The following SGCZ variants were observed in gnomAD, a reference collection of about 807,000 sequenced individuals.
The protein encoded by SGCZ is zeta-sarcoglycan.
In SGCZ, 40 loss-of-function variants were observed where a neutral mutation model predicts 41.3. That is an observed-to-expected ratio of 0.97 (90% confidence interval 0.75 to 1.26). SGCZ has a LOEUF of 1.26. Among genes scored for constraint, SGCZ ranks in the 50% most tolerant of loss-of-function variants. SGCZ has a pLI of 0.00. For synonymous variants in SGCZ, 206 were observed against 137.5 expected (o/e 1.50, Z -3.49); for missense variants, 552 against 369.8 (o/e 1.49, Z -4.04).
chr8:14,778,605 A>T (rs1251083758), intron 1 of SGCZ, among the ~76,000 whole-genome samples: 1 of 152,204 alleles, frequency 6.6e-6, no homozygotes, highest in Admixed American at 6.5e-5. Flanking sequence ...TGTTACGGAT[A>T]TATAAAACAC....
At chr8:15,132,535 A>G (rs1486761292) in intron 1 of SGCZ, among the ~76,000 whole-genome samples, 1 of 152,186 alleles carries the variant, frequency 6.6e-6, no homozygotes, top group Non-Finnish European at 1.5e-5. Context: ...TCAGATTTTT[A>G]AATTATCATT....
intron 1 of SGCZ, among the ~76,000 whole-genome samples, chr8:15,148,755 G>C (rs543877796): frequency 4.2e-4 from 64 of 152,238 alleles, no homozygotes; most frequent in African/African-American, 1.4e-3. Flanking sequence ...CTGAATTTCA[G>C]ACACAAGCTG....
chr8:14,924,643 G>T (rs1315007420), intron 1 of SGCZ, among the ~76,000 whole-genome samples: 1 of 151,938 alleles, frequency 6.6e-6, no homozygotes, highest in African/African-American at 2.4e-5. Context: ...GTTTGTTAGT[G>T]ACATTTATTT....
At chr8:14,173,098 C>T (rs1804436869) in intron 4 of SGCZ, among the ~76,000 whole-genome samples, 1 of 151,886 alleles carries the variant, frequency 6.6e-6, no homozygotes, top group Non-Finnish European at 1.5e-5. Context: ...TAGATTCAGT[C>T]TAGAAAGTCT....
chr8:14,706,764 A>G (rs1241433242), intron 1 of SGCZ, among the ~76,000 whole-genome samples: 2 of 152,150 alleles, frequency 1.3e-5, no homozygotes, highest in Non-Finnish European at 2.9e-5. Context: ...TACTTTAAGT[A>G]TAATGTTTAG....
chr8:14,929,799 G>C (rs117620034), intron 1 of SGCZ, among the ~76,000 whole-genome samples: 2,587 of 152,070 alleles, frequency 0.017, 111 homozygotes, highest in Admixed American at 0.096. Context: ...ACATTAGAAG[G>C]ATATGAAATG....
At chr8:14,521,145 A>G (rs1480339245) in intron 2 of SGCZ, among the ~76,000 whole-genome samples, 2 of 152,184 alleles carry the variant, frequency 1.3e-5, no homozygotes, top group African/African-American at 4.8e-5. Flanking sequence ...GTAAAGAGGT[A>G]GAATATTTCC....
intron 1 of SGCZ, among the ~76,000 whole-genome samples, chr8:14,926,478 A>G (rs1167945509): frequency 1.3e-5 from 2 of 150,862 alleles, no homozygotes; most frequent in African/African-American, 4.9e-5. Flanking sequence ...TCACGTAAGC[A>G]TCTCAGATGT....
intron 4 of SGCZ, among the ~76,000 whole-genome samples, chr8:14,196,102 G>T (rs916371515): frequency 6.6e-6 from 1 of 152,014 alleles, no homozygotes; most frequent in East Asian, 1.9e-4. Context: ...AGGAGAAATG[G>T]ATGTACACCA....
chr8:14,918,713 C>A (rs1799508720), intron 1 of SGCZ, among the ~76,000 whole-genome samples: 1 of 152,132 alleles, frequency 6.6e-6, no homozygotes, highest in Non-Finnish European at 1.5e-5. Context: ...TTGGGGAAGT[C>A]TTCATTATTG....
intron 2 of SGCZ, among the ~76,000 whole-genome samples, chr8:14,400,210 TATAAA>T (rs1333854467): frequency 6.6e-6 from 1 of 152,196 alleles, no homozygotes; most frequent in East Asian, 1.9e-4. Flanking sequence ...TTATTTTTAC[TATAAA>T]ATAATATTTC....
intron 7 of SGCZ, among the ~76,000 whole-genome samples, chr8:14,097,136 G>C (rs969278133): frequency 2.0e-5 from 3 of 152,042 alleles, no homozygotes; most frequent in African/African-American, 7.2e-5. Flanking sequence ...TCTTCTGCTA[G>C]CTTTTGAATT....
At chr8:15,033,735 C>G (rs534507360) in intron 1 of SGCZ, among the ~76,000 whole-genome samples, 3 of 151,860 alleles carry the variant, frequency 2.0e-5, no homozygotes, top group African/African-American at 7.3e-5. Flanking sequence ...CAACCCCAGT[C>G]CCAGGACAGC....
chr8:14,564,341 T>A (rs552105401), intron 1 of SGCZ, among the ~76,000 whole-genome samples: 99 of 152,186 alleles, frequency 6.5e-4, no homozygotes, highest in Middle Eastern at 3.4e-3. Context: ...AACGCTACAA[T>A]ATCAGTCATC....
intron 2 of SGCZ, among the ~76,000 whole-genome samples, chr8:14,377,329 T>C (rs1346024138): frequency 6.6e-6 from 1 of 151,948 alleles, no homozygotes; most frequent in Non-Finnish European, 1.5e-5. Context: ...CATGCAGAGG[T>C]ACCCCTTGCC....
Position 14,756,139 on chromosome 8 carries a change from T to C in SGCZ, c.40-201213A>G, listed in dbSNP as rs1191826622. Among the ~76,000 whole-genome samples, 5 of 152,034 alleles carry C rather than the reference T, an allele frequency of 3.3e-5. No homozygotes were observed. The South Asian group carries it at 1.0e-3, about 32-fold the overall frequency. On this transcript the variant is annotated intron_variant, in intron 1 of 7. Transcript: ENST00000382080. ...GAGAAATAAAGGATAGGCTGGGTTA[T>C]GACAGGCATATAGGACTCAATTAGG... is the stretch of plus-strand genomic sequence containing the variant.
At position 14,438,821 on chromosome 8, in the gene SGCZ, A is replaced by G. The variant is rs190462035; in HGVS notation, c.235-114617T>C. ...ATAATTTTAATTATACCTTAACATC[A>G]TATTCTTCGACTCAAAGCCCTATTA... On this transcript the variant is annotated intron_variant, in intron 2 of 7. Transcript: ENST00000382080. 1.5e-3 allele frequency among the ~76,000 whole-genome samples: 228 copies of G among 152,196 alleles called. 1 individual carries two copies. Among genetic ancestry groups the G allele is most frequent in the African/African-American group, 5.0e-3 (209 of 41,570 alleles).
intron 1 of SGCZ, among the ~76,000 whole-genome samples, chr8:14,832,975 T>G (rs1292205336): frequency 6.6e-6 from 1 of 152,102 alleles, no homozygotes; most frequent in Non-Finnish European, 1.5e-5. Flanking sequence ...TTCTATATAT[T>G]TTTAATAGTT....
chr8:14,760,578 G>C (rs2130353054), intron 1 of SGCZ, among the ~76,000 whole-genome samples: 1 of 152,120 alleles, frequency 6.6e-6, no homozygotes, highest in South Asian at 2.1e-4. Flanking sequence ...TTTAACTTTT[G>C]CAGTGTACAA....
Sources: gnomAD v4.1 joint callset for allele counts (sites outside exome capture counted in the v4.1 genomes callset) on GRCh38, gnomAD v4.1.1 for gene constraint, MANE v1.5 for transcripts, NCBI Gene and HGNC (gene_info 2026-07-23, HGNC 2026-07-21) for gene names.